The following ZZEF1 variants were observed in gnomAD, a reference collection of about 807,000 sequenced individuals.
ZZEF1 encodes the protein zinc finger ZZ-type and EF-hand domain-containing protein 1.
Under a neutral mutation model 342.8 loss-of-function variants are expected in ZZEF1, and 157 were observed. That is an observed-to-expected ratio of 0.46 (90% CI 0.40 to 0.52). The LOEUF is 0.52. Among genes scored for constraint, ZZEF1 ranks in the 20% least tolerant of loss-of-function variants. The pLI, the probability that ZZEF1 is intolerant of heterozygous loss-of-function variation, is 0.00. For missense variants in ZZEF1, 3,480 were observed against 3,725.6 expected, an observed-to-expected ratio of 0.93 and a Z score of 1.72; for synonymous variants, 1,505 against 1,429.1, an observed-to-expected ratio of 1.05 and a Z score of -1.20.
At chr17:4,096,146 G>A (rs1027225512) in intron 10 of ZZEF1, among the ~76,000 whole-genome samples, 167 bp from the exon 11 acceptor site, 4 of 152,160 alleles carry the variant, frequency 2.6e-5, no homozygotes, top group Non-Finnish European at 5.9e-5. Context: ...CCCAAGAAAT[G>A]TTCCTTAACT....
Position 4,019,788 on chromosome 17 carries a change from C to G in ZZEF1, c.7405-19G>C. 6.3e-7 allele frequency: 1 copy of G among 1,585,154 alleles called. No individual in the cohort carries two copies. The highest frequency in any genetic ancestry group is 8.6e-7 in the Non-Finnish European group (1 of 1,164,326). On this transcript the variant is annotated intron_variant, in intron 45 of 54. Transcript: ENST00000381638. ...GAGCCATCTGGAGGCCAGGGGAGGACGCAGACAAGAACCATTAACAGTGCT... is the reference window on the plus strand; with the variant it reads ...GAGCCATCTGGAGGCCAGGGGAGGAGGCAGACAAGAACCATTAACAGTGCT...
At chr17:4,035,531 C>T (rs1857313413) in intron 39 of ZZEF1, among the ~76,000 whole-genome samples, 1 of 152,048 alleles carries the variant, frequency 6.6e-6, no homozygotes, top group Admixed American at 6.5e-5. Context: ...GCACAGGTGG[C>T]TGAGGAAGTC....
intron 17 of ZZEF1, 38 bp from the exon 18 acceptor site, chr17:4,081,528 G>A: frequency 6.6e-7 from 1 of 1,521,132 alleles, no homozygotes; most frequent in South Asian, 1.1e-5. Flanking sequence ...CCTGGCTTCA[G>A]GAGAAAGATT....
chr17:4,017,052 T>A lies in ZZEF1; in HGVS notation c.8001+319A>T. 2 of 283,112 alleles carry A rather than the reference T, an allele frequency of 7.1e-6. No individual in the cohort carries two copies. Among genetic ancestry groups the A allele is most frequent in the Admixed American group, 9.6e-5 (2 of 20,852 alleles). The allele number at this position is 283,112 out of a possible 1,614,324, so 17.5% of individuals were successfully genotyped here. On this transcript the variant is annotated intron_variant, in intron 48 of 54. Transcript: ENST00000381638. This position sits in a 1 kb window ranked among gnomAD's most constrained non-coding sequence, Gnocchi z 5.1. Reference sequence around the variant, plus strand: ...CAAATGAACTTCCTCATGGACTGCGTGTGTGTGTGTGAAGGTGGGTGAGGG... The same window carrying A: ...CAAATGAACTTCCTCATGGACTGCGAGTGTGTGTGTGAAGGTGGGTGAGGG...
intron 1 of ZZEF1, among the ~76,000 whole-genome samples, chr17:4,141,618 G>A (rs1295166034): frequency 6.6e-6 from 1 of 152,048 alleles, no homozygotes; most frequent in East Asian, 1.9e-4. Flanking sequence ...ATGGGATGCT[G>A]TGTGGAGTAA....
chr17:4,108,543 T>C (rs533125940), intron 6 of ZZEF1, among the ~76,000 whole-genome samples: 1 of 152,310 alleles, frequency 6.6e-6, no homozygotes, highest in East Asian at 1.9e-4. Flanking sequence ...TGGGGCAACG[T>C]GCAAAACTTG....
intron 20 of ZZEF1, 37 bp from the exon 21 acceptor site, chr17:4,076,796 T>C: frequency 6.2e-7 from 1 of 1,611,420 alleles, no homozygotes; most frequent in Non-Finnish European, 8.5e-7. Context: ...GCGTCCACCT[T>C]AGGCTGGGCC....
At chr17:4,114,638 G>A (rs527710707) in intron 3 of ZZEF1, among the ~76,000 whole-genome samples, 168 bp from the exon 4 acceptor site, 5 of 152,292 alleles carry the variant, frequency 3.3e-5, no homozygotes, top group South Asian at 4.1e-4. Context: ...TGTCATGAGT[G>A]GGTTTTCACG....
intron 2 of ZZEF1, among the ~76,000 whole-genome samples, chr17:4,122,156 T>C (rs1235256020): frequency 1.3e-5 from 2 of 152,202 alleles, no homozygotes; most frequent in African/African-American, 4.8e-5. Flanking sequence ...CCTCCATTGC[T>C]GCCCTAGTGA....
intron 15 of ZZEF1, among the ~76,000 whole-genome samples, 149 bp downstream of exon 15, chr17:4,086,320 TCCCTTTCTGGGGGATTC>T (rs2057821945): frequency 7.3e-6 from 1 of 136,260 alleles, no homozygotes. Flanking sequence ...ACAGCGGCAA[TCCCTTTCTGGGGGATTC>T]CCACAGCGGC....
At position 4,085,814 on chromosome 17, in the gene ZZEF1, G is replaced by A. The variant is rs1375487450; in HGVS notation, c.2513-11C>T. The A allele has an allele frequency of 2.5e-6, 4 of 1,613,526 alleles. No individual in the cohort carries two copies. Among genetic ancestry groups the A allele is most frequent in the Non-Finnish European group, 3.4e-6 (4 of 1,179,834 alleles). On this transcript the variant is annotated splice_polypyrimidine_tract_variant and intron_variant, in intron 15 of 54. Transcript: ENST00000381638. ...CCACCTTGTCCACCACTGATAAAAT[G>A]AACAATGGCATCAGCTTTCATATAT...
chr17:4,066,664 GA>G (rs1244502543), intron 27 of ZZEF1, 124 bp from the exon 28 acceptor site: 6 of 822,112 alleles, frequency 7.3e-6, no homozygotes, highest in Non-Finnish European at 1.2e-5. Context: ...GTATCATTTA[GA>G]GGGGTTTGTA....
At chr17:4,023,677 A>AAT (rs2056329500) in intron 43 of ZZEF1, among the ~76,000 whole-genome samples, 3 of 151,272 alleles carry the variant, frequency 2.0e-5, no homozygotes, top group Non-Finnish European at 2.9e-5. Context: ...AAAAAAAAAA[A>AAT]ATTAACTGGG....
At chr17:4,090,483 T>C (rs2057921257) in intron 12 of ZZEF1, among the ~76,000 whole-genome samples, 1 of 152,246 alleles carries the variant, frequency 6.6e-6, no homozygotes, top group African/African-American at 2.4e-5. Flanking sequence ...CCACCCTTCC[T>C]GAGAAGCTTT....
intron 3 of ZZEF1, among the ~76,000 whole-genome samples, chr17:4,116,521 A>G (rs974051593): frequency 2.0e-5 from 3 of 152,222 alleles, no homozygotes; most frequent in Admixed American, 1.3e-4. Flanking sequence ...GCCATCTCCA[A>G]GTGAGTCTGT....
At position 4,060,634 on chromosome 17, in the gene ZZEF1, T is replaced by G. The variant is rs551338975; in HGVS notation, c.4884-1344A>C. On this transcript the variant is annotated intron_variant, in intron 30 of 54. Transcript: ENST00000381638. ...CCCCCACCCCCACCAAAAAACCCCTTCCTGCTTCTCCTGATGCCACCACTA... is the reference window on the plus strand; with the variant it reads ...CCCCCACCCCCACCAAAAAACCCCTGCCTGCTTCTCCTGATGCCACCACTA... Among the ~76,000 whole-genome samples, 21 of 148,974 alleles carry G rather than the reference T, an allele frequency of 1.4e-4. 1 individual carries two copies. The highest frequency in any genetic ancestry group is 2.4e-4 in the Non-Finnish European group (16 of 67,458).
chr17:4,141,334 G>A (rs2058843272), intron 1 of ZZEF1, among the ~76,000 whole-genome samples: 1 of 152,192 alleles, frequency 6.6e-6, no homozygotes, highest in Non-Finnish European at 1.5e-5. Context: ...AAAAGCCTCT[G>A]ATTTTAAGGT....
Position 4,066,303 on chromosome 17 carries a change from G to A in ZZEF1, c.4249+144C>T, listed in dbSNP as rs1287949967. On this transcript the variant is annotated intron_variant, in intron 28 of 54. Coordinates refer to ENST00000381638, the MANE Select transcript of ZZEF1 (RefSeq NM_015113.4). ...TTTTCTCTATTTATGATACATCCTTGGATACTATATTTAGCATCTGTGTTA... is the reference window on the plus strand; with the variant it reads ...TTTTCTCTATTTATGATACATCCTTAGATACTATATTTAGCATCTGTGTTA... 5.7e-6 allele frequency: 4 copies of A among 703,726 alleles called. No individual in the cohort carries two copies. In the East Asian group the frequency reaches 7.4e-5, roughly 13 times the overall value. The allele number at this position is 703,726 out of a possible 1,614,324, so 43.6% of individuals were successfully genotyped here. A position where few individuals can be genotyped will look rare whatever the true frequency, so the allele number is the denominator to read the frequency against.
Position 4,142,828 on chromosome 17 carries a change from G to A in ZZEF1, c.68C>T (p.Pro23Leu). 1.4e-6 allele frequency: 2 copies of A among 1,406,226 alleles called. No individual in the cohort carries two copies. The highest frequency in any genetic ancestry group is 1.8e-6 in the Non-Finnish European group (2 of 1,090,552). 87.1% of individuals were successfully genotyped at this position (1,406,226 alleles called of 1,614,324 possible). A position where few individuals can be genotyped will look rare whatever the true frequency, so the allele number is the denominator to read the frequency against. The change falls in exon 1 of 55, where the codon CCA (proline) becomes CTA (leucine). Residue 23 changes from proline (P) to leucine (L), a missense_variant. This residue lies in a region of ZZEF1 where 416 missense variants were observed against 374.2 expected (regional missense o/e 1.11). Coordinates refer to ENST00000381638, the MANE Select transcript of ZZEF1 (RefSeq NM_015113.4). ...CGAGACCGCGGCCCAGTCCTGGTGTGGGCCCCAGCCCTCGCCACCGGCAGC... is the reference window on the plus strand; with the variant it reads ...CGAGACCGCGGCCCAGTCCTGGTGTAGGCCCCAGCCCTCGCCACCGGCAGC... ...AAAAGGEGWG[P>L]HQDWAAVSGT...
Sources: allele counts gnomAD v4.1 joint callset (sites outside exome capture counted in the v4.1 genomes callset), GRCh38; gene constraint gnomAD v4.1.1; regional missense constraint gnomAD v4.1.1; non-coding constraint Gnocchi (gnomAD v3.1); transcripts MANE v1.5; gene names NCBI Gene and HGNC (gene_info 2026-07-23, HGNC 2026-07-21).